The following RASGRF2 variants were observed in gnomAD, a reference collection of about 807,000 sequenced individuals.
RASGRF2 encodes ras-specific guanine nucleotide-releasing factor 2.
Under a neutral mutation model 151.0 loss-of-function variants are expected in RASGRF2, and 76 were observed. That is an observed-to-expected ratio of 0.50 (90% CI 0.42 to 0.61). The LOEUF (loss-of-function observed/expected upper bound fraction) is 0.61. Among genes scored for constraint, RASGRF2 ranks in the 20% least tolerant of loss-of-function variants. The pLI, the probability that RASGRF2 is intolerant of heterozygous loss-of-function variation, is 0.00. For missense variants in RASGRF2, 1,148 were observed against 1,564.6 expected (o/e 0.73, Z 4.49); for synonymous variants, 504 against 566.5 (o/e 0.89, Z 1.57).
intron 1 of RASGRF2, among the ~76,000 whole-genome samples, chr5:80,977,621 T>C (rs1490785859): frequency 6.6e-6 from 1 of 152,130 alleles, no homozygotes; most frequent in African/African-American, 2.4e-5. Context: ...CACACCCGGC[T>C]AATTTTTCTA....
intron 17 of RASGRF2, among the ~76,000 whole-genome samples, chr5:81,164,893 A>AAGAGTTTTCAGTAATCTGTGTTG (rs1754470227): frequency 6.6e-6 from 1 of 152,208 alleles, no homozygotes; most frequent in Admixed American, 6.5e-5. Flanking sequence ...AATATGTTTT[A>AAGAGTTTTCAGTAATCTGTGTTG]AGAGTTTTCA....
At chr5:81,171,549 T>TTGTG (rs57890623) in intron 17 of RASGRF2, among the ~76,000 whole-genome samples, 10,533 of 150,568 alleles carry the variant, frequency 0.07, 1,101 homozygotes, top group African/African-American at 0.23. Flanking sequence ...CCTTTTGTGT[T>TTGTG]TGTGTGTGTG....
chr5:80,992,031 C>T (rs545829201), intron 1 of RASGRF2, among the ~76,000 whole-genome samples: 4 of 152,268 alleles, frequency 2.6e-5, no homozygotes, highest in Admixed American at 6.5e-5. Context: ...GGCTTCATAT[C>T]GATGCCTGCT....
Position 81,226,418 on chromosome 5 carries a change from A to G in RASGRF2, c.*648A>G, listed in dbSNP as rs1230219007. ...TGAAACACAAATGGATTTGTATGTA[A>G]CATTTCCTTAATTAAATGCAGTAGG... On this transcript the variant is annotated 3_prime_UTR_variant, in exon 27 of 27. Coordinates refer to ENST00000265080, the MANE Select transcript of RASGRF2 (RefSeq NM_006909.3). The G allele has an allele frequency of 6.6e-6, 1 of 152,238 alleles. No individual in the cohort carries two copies. Among genetic ancestry groups the G allele is most frequent in the Non-Finnish European group, 1.5e-5 (1 of 68,064 alleles). The allele number at this position is 152,238 out of a possible 1,614,324, so 9.4% of individuals were successfully genotyped here.
chr5:81,223,876 A>T (rs1755915604), intron 26 of RASGRF2, among the ~76,000 whole-genome samples: 1 of 152,228 alleles, frequency 6.6e-6, no homozygotes, highest in Non-Finnish European at 1.5e-5. Context: ...AAGTTTAAAA[A>T]GTATTTATAT....
At chr5:81,198,304 G>A (rs1379650425) in intron 18 of RASGRF2, among the ~76,000 whole-genome samples, 2 of 151,976 alleles carry the variant, frequency 1.3e-5, no homozygotes. Context: ...GTCCACTGTC[G>A]CCATCTTTAT....
chr5:81,218,581 C>T lies in RASGRF2; in HGVS notation c.3552+1108C>T, dbSNP rs147725260. Among the ~76,000 whole-genome samples the T allele has an allele frequency of 4.6e-3, 698 of 152,242 alleles. 4 individuals carry two copies. Among genetic ancestry groups the T allele is most frequent in the African/African-American group, 0.016 (653 of 41,546 alleles). ...CATGCCTATTTTTGTACCAGTACCA[C>T]GCTGTTTTGGTGACTGTGGCCTTAT... On this transcript the variant is annotated intron_variant, in intron 25 of 26. Transcript: ENST00000265080.
At chr5:81,204,468 C>T (rs1316445071) in intron 19 of RASGRF2, 2 of 152,150 alleles carry the variant, frequency 1.3e-5, no homozygotes, top group South Asian at 2.1e-4. Flanking sequence ...AGCAAATGCT[C>T]TTTTGAATGA....
intron 7 of RASGRF2, among the ~76,000 whole-genome samples, chr5:81,081,773 G>A (rs1752094239): frequency 6.6e-6 from 1 of 152,160 alleles, no homozygotes; most frequent in African/African-American, 2.4e-5. Context: ...AGTCCTGCTC[G>A]AAATCCTGGA....
At chr5:81,039,901 G>A (rs1367430566) in intron 1 of RASGRF2, among the ~76,000 whole-genome samples, 1 of 151,936 alleles carries the variant, frequency 6.6e-6, no homozygotes, top group Non-Finnish European at 1.5e-5. Context: ...TCCGGATTTC[G>A]AGTCCTAGTT....
chr5:81,117,373 TG>T (rs1390341001), intron 15 of RASGRF2, among the ~76,000 whole-genome samples: 1 of 152,154 alleles, frequency 6.6e-6, no homozygotes, highest in African/African-American at 2.4e-5. Context: ...TGTCATAACA[TG>T]GTGGAAGGCA....
chr5:81,108,832 CTCTGTGTGTGTGTGTGTG>C (rs1436275827), intron 12 of RASGRF2, among the ~76,000 whole-genome samples, 146 bp from the exon 13 acceptor site: 2 of 115,512 alleles, frequency 1.7e-5, no homozygotes, highest in Admixed American at 1.8e-4. Context: ...TATTTACCTA[CTCTGTGTGTGTGTGTGTG>C]TGTGTGTGTG....
intron 17 of RASGRF2, among the ~76,000 whole-genome samples, chr5:81,158,386 T>G (rs1366072091): frequency 6.6e-6 from 1 of 152,154 alleles, no homozygotes; most frequent in Non-Finnish European, 1.5e-5. Context: ...GTTAGTGGAT[T>G]GGGTTGGGCA....
intron 1 of RASGRF2, among the ~76,000 whole-genome samples, chr5:81,036,138 A>G (rs186608089): frequency 1.3e-5 from 2 of 152,254 alleles, no homozygotes; most frequent in East Asian, 3.9e-4. Flanking sequence ...GATAATTTAG[A>G]GGCAAATGTT....
At chr5:81,182,165 C>T (rs1235620457) in intron 18 of RASGRF2, among the ~76,000 whole-genome samples, 1 of 152,168 alleles carries the variant, frequency 6.6e-6, no homozygotes, top group Non-Finnish European at 1.5e-5. Context: ...GATCCCAGCT[C>T]CTCAGACTCT....
intron 18 of RASGRF2, among the ~76,000 whole-genome samples, chr5:81,181,427 C>G (rs1754914244): frequency 6.6e-6 from 1 of 152,174 alleles, no homozygotes; most frequent in Non-Finnish European, 1.5e-5. Flanking sequence ...ATAATGTAAA[C>G]ATTCCATCTT....
intron 1 of RASGRF2, among the ~76,000 whole-genome samples, chr5:81,016,962 A>G (rs1749656654): frequency 6.6e-6 from 1 of 152,208 alleles, no homozygotes; most frequent in Non-Finnish European, 1.5e-5. Flanking sequence ...AAAACAACTA[A>G]CAACCACCCC....
At chr5:81,173,116 C>A (rs756144676) in intron 17 of RASGRF2, among the ~76,000 whole-genome samples, 1 of 152,156 alleles carries the variant, frequency 6.6e-6, no homozygotes, top group Non-Finnish European at 1.5e-5. Context: ...GTGGCTCATG[C>A]CTGTAATCCT....
At chr5:80,980,400 G>T (rs1254273881) in intron 1 of RASGRF2, among the ~76,000 whole-genome samples, 1 of 152,182 alleles carries the variant, frequency 6.6e-6, no homozygotes, top group South Asian at 2.1e-4. Flanking sequence ...AGCATTTTGG[G>T]AGGCTGAGGT....
Sources: gnomAD v4.1 joint callset for allele counts (sites outside exome capture counted in the v4.1 genomes callset) on GRCh38, gnomAD v4.1.1 for gene constraint, MANE v1.5 for transcripts, NCBI Gene and HGNC (gene_info 2026-07-23, HGNC 2026-07-21) for gene names.